PRICKLE2: variants seen among roughly 807,000 people sequenced by gnomAD.
PRICKLE2 encodes prickle-like protein 2.
PRICKLE2 carries 21 observed loss-of-function variants against 81.4 expected under a neutral mutation model. That is an observed-to-expected ratio of 0.26 (90% CI 0.18 to 0.37). The LOEUF is 0.37. PRICKLE2 is among the 10% of genes least tolerant of loss of function. The pLI, the probability that PRICKLE2 is intolerant of heterozygous loss-of-function variation, is 1.00. For missense variants in PRICKLE2, 940 were observed against 1,109.0 expected (o/e 0.85, Z 2.16); for synonymous variants, 456 against 421.5 (o/e 1.08, Z -1.00).
At chr3:64,132,118 T>C (rs2077205847) in intron 7 of PRICKLE2, among the ~76,000 whole-genome samples, 1 of 152,244 alleles carries the variant, frequency 6.6e-6, no homozygotes, top group Non-Finnish European at 1.5e-5. Context: ...GTCCTTCTCA[T>C]CCAAGTCTTA....
chr3:64,241,458 T>C (rs565193872), intron 2 of PRICKLE2, among the ~76,000 whole-genome samples: 8 of 152,356 alleles, frequency 5.3e-5, no homozygotes, highest in Non-Finnish European at 8.8e-5. Context: ...TACACATACA[T>C]GTATATATGT....
chr3:64,178,957 T>C (rs2078069376), intron 2 of PRICKLE2, among the ~76,000 whole-genome samples: 2 of 151,730 alleles, frequency 1.3e-5, no homozygotes, highest in African/African-American at 4.8e-5. Flanking sequence ...TTATCTAACA[T>C]ACATATTTTC....
chr3:64,185,189 G>A (rs2107087139), intron 2 of PRICKLE2, among the ~76,000 whole-genome samples: 1 of 152,288 alleles, frequency 6.6e-6, no homozygotes, highest in East Asian at 1.9e-4. Context: ...TGGATCCAGT[G>A]AGGATGGAGA....
At chr3:64,247,671 AC>A in intron 2 of PRICKLE2, among the ~76,000 whole-genome samples, 1 of 152,342 alleles carries the variant, frequency 6.6e-6, no homozygotes, top group South Asian at 2.1e-4. Context: ...GTAGATCATA[AC>A]TTAAACAACC....
At chr3:64,126,100 A>G (rs1248142492) in intron 7 of PRICKLE2, among the ~76,000 whole-genome samples, 4 of 152,136 alleles carry the variant, frequency 2.6e-5, no homozygotes, top group African/African-American at 9.7e-5. Context: ...TTTAAAAGCT[A>G]TTTTTGCTTG....
chr3:64,185,287 A>AC lies in PRICKLE2; in HGVS notation c.144+13496dup, dbSNP rs568680137. On this transcript the variant is annotated intron_variant, in intron 2 of 7. Coordinates refer to ENST00000638394, the MANE Select transcript of PRICKLE2 (RefSeq NM_198859.4). Reference sequence around the variant, plus strand: ...ATTGTAGGGAAGTTAATGTTTACAGACCCCCCCTAGATTGCTGCTAGAATT... The same window carrying AC: ...ATTGTAGGGAAGTTAATGTTTACAGACCCCCCCCTAGATTGCTGCTAGAATT... 5.0e-4 allele frequency among the ~76,000 whole-genome samples: 76 copies of AC among 151,898 alleles called. 1 individual carries two copies. Among genetic ancestry groups the AC allele is most frequent in the African/African-American group, 1.6e-3 (65 of 41,412 alleles).
intron 2 of PRICKLE2, among the ~76,000 whole-genome samples, chr3:64,255,959 GC>G: frequency 6.6e-6 from 1 of 152,280 alleles, no homozygotes; most frequent in East Asian, 1.9e-4. Flanking sequence ...GAGGAAGGGA[GC>G]CATATGCCGA....
chr3:64,136,904 C>T (rs2077288243), intron 7 of PRICKLE2, among the ~76,000 whole-genome samples: 1 of 152,108 alleles, frequency 6.6e-6, no homozygotes, highest in South Asian at 2.1e-4. Flanking sequence ...TGTGGTAACA[C>T]CCATTCAATT....
intron 1 of PRICKLE2, among the ~76,000 whole-genome samples, chr3:64,209,053 C>T (rs62251780): frequency 6.6e-6 from 1 of 152,072 alleles, no homozygotes; most frequent in Non-Finnish European, 1.5e-5. Flanking sequence ...ATCCATCCAC[C>T]TGTCTATCCA....
At chr3:64,194,630 T>C (rs1030090077) in intron 2 of PRICKLE2, among the ~76,000 whole-genome samples, 3 of 152,242 alleles carry the variant, frequency 2.0e-5, no homozygotes, top group African/African-American at 7.2e-5. Flanking sequence ...CATCTGCCCT[T>C]CTTATAGCTT....
intron 1 of PRICKLE2, among the ~76,000 whole-genome samples, chr3:64,214,312 G>A (rs1212565479): frequency 2.0e-5 from 3 of 152,182 alleles, no homozygotes; most frequent in Admixed American, 1.3e-4. Flanking sequence ...GTGGACTTGC[G>A]AAACAAGAGA....
intron 2 of PRICKLE2, among the ~76,000 whole-genome samples, chr3:64,172,005 C>T (rs1417217080): frequency 6.6e-6 from 1 of 152,152 alleles, no homozygotes; most frequent in African/African-American, 2.4e-5. Context: ...AATTCAGAAT[C>T]ACATGAGTTG....
At chr3:64,143,394 T>C (rs2107008598) in intron 7 of PRICKLE2, among the ~76,000 whole-genome samples, 1 of 152,306 alleles carries the variant, frequency 6.6e-6, no homozygotes, top group Admixed American at 6.5e-5. Context: ...GGGGCATTAG[T>C]TGCTTTGCCC....
chr3:64,174,879 C>A, intron 2 of PRICKLE2: 1 of 212,478 alleles, frequency 4.7e-6, no homozygotes, highest in Non-Finnish European at 1.0e-5. Context: ...TAATTAAACA[C>A]ATTTCCTGAG....
chr3:64,141,705 A>G (rs1195627098), intron 7 of PRICKLE2: 3 of 662,470 alleles, frequency 4.5e-6, no homozygotes, highest in Non-Finnish European at 5.6e-6. Context: ...GGAGAGGCCA[A>G]AGCCCAGATC....
At chr3:64,153,689 C>T (rs2077581479) in intron 5 of PRICKLE2, 1 of 335,898 alleles carries the variant, frequency 3.0e-6, no homozygotes, top group Admixed American at 4.6e-5. Context: ...ATTGGACATA[C>T]ATATCTGCTT....
Position 64,146,954 on chromosome 3 carries a change from G to T in PRICKLE2, c.1536C>A (p.Gly512=), listed in dbSNP as rs563743611. The T allele has an allele frequency of 9.9e-6, 16 of 1,614,158 alleles. No individual in the cohort carries two copies. In the South Asian group the frequency reaches 1.5e-4, roughly 16 times the overall value. Residue 512 remains glycine, a synonymous_variant, in exon 7 of 8, where the codon GGC becomes GGA. Coordinates refer to ENST00000638394, the MANE Select transcript of PRICKLE2 (RefSeq NM_198859.4). ...KYEEEEEEEG[G]LSTQQCRTRH... is the part of the protein sequence containing the mutation. ...GGGTCCGACACTGCTGAGTGGACAA[G>T]CCCCCTTCCTCTTCCTCTTCCTCCT...
chr3:64,239,546 A>C (rs2079231162), intron 2 of PRICKLE2, among the ~76,000 whole-genome samples: 1 of 152,082 alleles, frequency 6.6e-6, no homozygotes, highest in African/African-American at 2.4e-5. Flanking sequence ...TAATCCTGTA[A>C]TCCTTTGGGA....
rs547470817 is a variant in PRICKLE2, at chr3:64,262,773, G to A, written c.129-63806C>T. 7.9e-5 allele frequency among the ~76,000 whole-genome samples: 12 copies of A among 152,238 alleles called. No homozygotes were observed. In the East Asian group the frequency reaches 1.4e-3, roughly 17 times the overall value. On this transcript the variant is annotated intron_variant, in intron 2 of 8. Transcript: ENST00000295902. ...CAAACCCTGCTGACAGGCAGAGGGTGACCTTGACATCTCTTAACATATTTA... is the reference window on the plus strand; with the variant it reads ...CAAACCCTGCTGACAGGCAGAGGGTAACCTTGACATCTCTTAACATATTTA...
Sources: allele counts gnomAD v4.1 joint callset (sites outside exome capture counted in the v4.1 genomes callset), GRCh38; gene constraint gnomAD v4.1.1; transcripts MANE v1.5; gene names NCBI Gene and HGNC (gene_info 2026-07-23, HGNC 2026-07-21).